Variants in HSPA4 observed in about 807,000 individuals in gnomAD.
HSPA4 encodes heat shock protein family A (Hsp70) member 4.
A neutral mutation model predicts 106.2 loss-of-function variants in HSPA4; 25 were observed. The ratio of observed to expected loss-of-function variants is 0.24; its 90% CI spans 0.17 to 0.33. The LOEUF is 0.33. Among genes scored for constraint, HSPA4 ranks in the 10% least tolerant of loss-of-function variants. The probability of loss-of-function intolerance (pLI) is 1.00; values close to 1 mark genes in which losing one functional copy is unlikely to be tolerated. For synonymous variants in HSPA4, 332 were observed against 333.6 expected, an observed-to-expected ratio of 1.00 and a Z score of 0.05; for missense variants, 841 against 996.0, an observed-to-expected ratio of 0.84 and a Z score of 2.10.
At chr5:133,062,822 C>T (rs956778191) in intron 1 of HSPA4, among the ~76,000 whole-genome samples, 13 of 152,114 alleles carry the variant, frequency 8.5e-5, no homozygotes, top group African/African-American at 2.9e-4. Flanking sequence ...TACAGGGGTT[C>T]TTAGCCATTG....
chr5:133,065,083 TC>T, intron 2 of HSPA4, 46 bp downstream of exon 2: 2 of 1,521,066 alleles, frequency 1.3e-6, no homozygotes, highest in Non-Finnish European at 1.8e-6. Flanking sequence ...CTCCTCTTCA[TC>T]CATGTGTTCA....
intron 14 of HSPA4, among the ~76,000 whole-genome samples, chr5:133,096,893 A>T (rs1458625175): frequency 6.6e-6 from 1 of 152,148 alleles, no homozygotes; most frequent in Non-Finnish European, 1.5e-5. Flanking sequence ...ATAGTTTTTT[A>T]AATTTCTCTT....
chr5:133,102,704 A>G (rs1765803411), intron 17 of HSPA4, among the ~76,000 whole-genome samples: 1 of 152,088 alleles, frequency 6.6e-6, no homozygotes, highest in African/African-American at 2.4e-5. Context: ...GAAACTTTGA[A>G]TGATAAATTG....
chr5:133,055,307 A>ATTTTTTTTTTTTTTTTTT (rs397999293), intron 1 of HSPA4, among the ~76,000 whole-genome samples: 3 of 60,062 alleles, frequency 5.0e-5, no homozygotes, highest in Non-Finnish European at 6.2e-5. Flanking sequence ...AGGAAGGTTG[A>ATTTTTTTTTTTTTTTTTT]TTTTTTTTTT....
chr5:133,080,203 C>T (rs1201883372), intron 7 of HSPA4, among the ~76,000 whole-genome samples: 3 of 151,412 alleles, frequency 2.0e-5, no homozygotes, highest in Admixed American at 1.3e-4. Flanking sequence ...GGCTTGAGCT[C>T]AGGAGTTCGA....
chr5:133,068,539 G>A (rs1331315339), intron 3 of HSPA4, among the ~76,000 whole-genome samples: 4 of 152,080 alleles, frequency 2.6e-5, no homozygotes, highest in African/African-American at 7.2e-5. Context: ...GAGATGTTGA[G>A]AACCATGAGA....
intron 6 of HSPA4, among the ~76,000 whole-genome samples, chr5:133,074,340 G>A (rs1388752392): frequency 1.3e-5 from 2 of 150,618 alleles, no homozygotes; most frequent in Admixed American, 6.6e-5. Flanking sequence ...GTGCAATGGC[G>A]CGATCTTGGC....
At chr5:133,073,402 T>TTTAAAA in intron 5 of HSPA4, 73 bp downstream of exon 5, 1 of 1,016,986 alleles carries the variant, frequency 9.8e-7, no homozygotes, top group Non-Finnish European at 1.5e-6. Flanking sequence ...ACCCTGGGGT[T>TTTAAAA]TCTTGCTCTT....
At chr5:133,088,253 CT>C (rs1765602644) in intron 8 of HSPA4, 150 bp from the exon 9 acceptor site, 3 of 598,374 alleles carry the variant, frequency 5.0e-6, no homozygotes, top group Non-Finnish European at 9.1e-6. Context: ...TGCCACCTGC[CT>C]CTGTGAGTGT....
chr5:133,068,912 G>A (rs1321211185), intron 3 of HSPA4, among the ~76,000 whole-genome samples: 1 of 152,174 alleles, frequency 6.6e-6, no homozygotes, highest in Non-Finnish European at 1.5e-5. Context: ...GCAAATAGCA[G>A]GGAAGAAAGA....
intron 15 of HSPA4, among the ~76,000 whole-genome samples, chr5:133,097,631 C>T (rs111549602): frequency 0.022 from 3,355 of 150,510 alleles, 127 homozygotes; most frequent in African/African-American, 0.074. Flanking sequence ...TCACTGCAGC[C>T]TCCGCCTCCC....
intron 7 of HSPA4, among the ~76,000 whole-genome samples, chr5:133,085,380 C>T (rs1272933615): frequency 1.3e-5 from 2 of 151,170 alleles, no homozygotes; most frequent in African/African-American, 2.4e-5. Flanking sequence ...CGACCGGGTG[C>T]GATGGCTCAT....
intron 7 of HSPA4, among the ~76,000 whole-genome samples, chr5:133,084,241 G>A (rs1335812125): frequency 6.6e-6 from 1 of 152,188 alleles, no homozygotes; most frequent in Non-Finnish European, 1.5e-5. Context: ...ATAAAATTGA[G>A]ATTCATTTGT....
chr5:133,092,763 A>G lies in HSPA4; in HGVS notation c.1624A>G (p.Asn542Asp). The G allele has an allele frequency of 1.9e-6, 3 of 1,611,510 alleles. No homozygotes were observed. Among genetic ancestry groups the G allele is most frequent in the Non-Finnish European group, 2.5e-6 (3 of 1,178,080 alleles). ...EEQQQQTPAE[N>D]KAESEEMETS... is the part of the protein sequence containing the mutation. ...GCAACAGCAGCAGACACCAGCAGAA[A>G]ATAAGGCAGAGTCTGAAGAAATGGA... Residue 542 changes from asparagine (N) to aspartate (D), a missense_variant, in exon 13 of 19, where the codon AAT becomes GAT. Around this residue, in one of 5 missense-constraint regions of HSPA4, gnomAD observed 328 missense variants for 372.2 expected, o/e 0.88. Transcript: ENST00000304858.
At chr5:133,057,203 C>T (rs140192742) in intron 1 of HSPA4, among the ~76,000 whole-genome samples, 1 of 152,132 alleles carries the variant, frequency 6.6e-6, no homozygotes, top group African/African-American at 2.4e-5. Context: ...AGAGAGTACT[C>T]TGATTAATGT....
intron 15 of HSPA4, among the ~76,000 whole-genome samples, chr5:133,099,192 C>T (rs1765754511): frequency 6.6e-6 from 1 of 152,078 alleles, no homozygotes; most frequent in Non-Finnish European, 1.5e-5. Context: ...TGCAGTGGCC[C>T]CATCTTGGGT....
chr5:133,070,183 A>G (rs1358337524), intron 3 of HSPA4, among the ~76,000 whole-genome samples, 191 bp from the exon 4 acceptor site: 7 of 152,002 alleles, frequency 4.6e-5, no homozygotes, highest in Non-Finnish European at 8.8e-5. Flanking sequence ...CAAAATAATA[A>G]TAATAATAAA....
At chr5:133,098,792 C>T (rs923193436) in intron 15 of HSPA4, among the ~76,000 whole-genome samples, 3 of 152,086 alleles carry the variant, frequency 2.0e-5, no homozygotes, top group African/African-American at 4.8e-5. Flanking sequence ...TCTGCCTCAG[C>T]CTCCCTAGTA....
chr5:133,097,521 T>A (rs1765727487), intron 15 of HSPA4, among the ~76,000 whole-genome samples: 1 of 151,824 alleles, frequency 6.6e-6, no homozygotes, highest in Non-Finnish European at 1.5e-5. Flanking sequence ...CGAATATTGT[T>A]ATTTATCTTG....
Sources: gnomAD v4.1 joint callset for allele counts (sites outside exome capture counted in the v4.1 genomes callset) on GRCh38, gnomAD v4.1.1 for gene constraint, gnomAD v4.1.1 regional missense constraint, MANE v1.5 for transcripts, NCBI Gene and HGNC (gene_info 2026-07-23, HGNC 2026-07-21) for gene names.